IGSF10: variants seen among roughly 807,000 people sequenced by gnomAD.
The protein encoded by IGSF10 is immunoglobulin superfamily member 10, also known as calvaria mechanical force protein 608.
IGSF10 carries 126 observed loss-of-function variants against 128.2 expected under a neutral mutation model. That is an observed-to-expected ratio of 0.98 (90% confidence interval 0.85 to 1.14). The LOEUF is 1.14. IGSF10 is among the 50% of genes most tolerant of loss of function. IGSF10 has a pLI of 0.00. For synonymous variants in IGSF10, 1,185 were observed against 1,146.2 expected (o/e 1.03, Z -0.68); for missense variants, 3,295 against 3,149.8 (o/e 1.05, Z -1.10).
chr3:151,448,561 T>C lies in IGSF10; in HGVS notation c.1420A>G (p.Met474Val), dbSNP rs569212912. ...EMRPVKHKWT[M>V]ISRDNNTKLE... ...TTAGTATTGTTATCCCTTGAAATCA[T>C]AGTCCATTTGTGTTTCACTGGCCTC... The change falls in exon 6 of 8, where the codon ATG becomes GTG. Residue 474 changes from methionine to valine, a missense_variant. Physicochemically the swap from Met to Val is conservative, Grantham distance 21. Coordinates refer to ENST00000282466, the MANE Select transcript of IGSF10 (RefSeq NM_178822.5). 4.2e-5 allele frequency: 68 copies of C among 1,614,234 alleles called. No homozygotes were observed. Among genetic ancestry groups the C allele is most frequent in the Admixed American group, 6.7e-5 (4 of 60,032 alleles).
At chr3:151,564,632 C>G in the IGSF10 span, among the ~76,000 whole-genome samples, 1 of 152,196 alleles carries the variant, frequency 6.6e-6, no homozygotes, top group Admixed American at 6.6e-5. Flanking sequence ...CCCAGTTGGC[C>G]ATAGTTTTTA....
At chr3:151,519,966 G>C in the IGSF10 span, among the ~76,000 whole-genome samples, 1 of 151,720 alleles carries the variant, frequency 6.6e-6, no homozygotes, top group Non-Finnish European at 1.5e-5. Flanking sequence ...ATACCTGAAG[G>C]TTTTGAGAAT....
chr3:151,443,918 T>A, intron 6 of IGSF10, 34 bp from the exon 7 acceptor site: 1 of 1,486,980 alleles, frequency 6.7e-7, no homozygotes. Flanking sequence ...TTGCTACGGG[T>A]CATCAAAGTT....
the IGSF10 span, among the ~76,000 whole-genome samples, chr3:151,480,779 C>T: frequency 2.6e-5 from 4 of 152,050 alleles, no homozygotes; most frequent in South Asian, 2.1e-4. Context: ...TGGATCCTCC[C>T]TATAGGGCTG....
the IGSF10 span, among the ~76,000 whole-genome samples, chr3:151,472,582 G>GGT: frequency 1.3e-5 from 2 of 152,066 alleles, no homozygotes; most frequent in Non-Finnish European, 2.9e-5. Context: ...CTTGGCCAAA[G>GGT]GTACTACCTT....
At chr3:151,475,632 A>G in the IGSF10 span, among the ~76,000 whole-genome samples, 2 of 152,082 alleles carry the variant, frequency 1.3e-5, no homozygotes, top group African/African-American at 4.8e-5. Context: ...CTCACTTCTG[A>G]TTTCTGCATG....
the IGSF10 span, among the ~76,000 whole-genome samples, chr3:151,484,545 G>A: frequency 2.6e-5 from 4 of 152,110 alleles, no homozygotes; most frequent in Non-Finnish European, 5.9e-5. Context: ...CCTCATACAG[G>A]AGAGCTCTGG....
chr3:151,493,250 A>T, the IGSF10 span, among the ~76,000 whole-genome samples: 1 of 152,308 alleles, frequency 6.6e-6, no homozygotes, highest in African/African-American at 2.4e-5. Context: ...ATAAAATTAT[A>T]TTACTGGTTT....
At chr3:151,552,494 A>C in the IGSF10 span, among the ~76,000 whole-genome samples, 1 of 152,100 alleles carries the variant, frequency 6.6e-6, no homozygotes, top group Non-Finnish European at 1.5e-5. Context: ...TTTTCCTTTT[A>C]TGTTAGGGGA....
At chr3:151,525,945 CA>C in the IGSF10 span, among the ~76,000 whole-genome samples, 2 of 152,156 alleles carry the variant, frequency 1.3e-5, no homozygotes, top group African/African-American at 4.8e-5. Flanking sequence ...CACCCACACT[CA>C]AGGGGAGGGG....
At chr3:151,591,157 T>A in the IGSF10 span, among the ~76,000 whole-genome samples, 1 of 151,748 alleles carries the variant, frequency 6.6e-6, no homozygotes, top group African/African-American at 2.4e-5. Flanking sequence ...AACATTCGGC[T>A]AAAAGAAAAG....
the IGSF10 span, chr3:151,475,737 CTTT>C: frequency 6.6e-6 from 1 of 151,662 alleles, no homozygotes; most frequent in African/African-American, 2.4e-5. Context: ...ATTCATAAAT[CTTT>C]TTTTTTCTTG....
At position 151,438,799 on chromosome 3, in the gene IGSF10, GATATAT is replaced by G. The variant is rs556812838; in HGVS notation, c.5964-208_5964-203del. Among the ~76,000 whole-genome samples the G allele has an allele frequency of 3.8e-3, 552 of 144,994 alleles. 5 individuals carry two copies. Among genetic ancestry groups the G allele is most frequent in the African/African-American group, 0.014 (529 of 38,580 alleles). On this transcript the variant is annotated intron_variant, in intron 7 of 7. Coordinates refer to ENST00000282466, the MANE Select transcript of IGSF10 (RefSeq NM_178822.5). ...TGTGTATATATATACACATATTTGA[GATATAT>G]ATATATATACATTTTGAGATATATA...
In IGSF10 at chr3:151,445,960, C is replaced by T; in HGVS notation, c.4021G>A (p.Ala1341Thr). ...TYETQTERSR[A>T]QTIQREQEPQ... is the part of the protein sequence containing the mutation. ...TCCTGTTCTCTTTGTATTGTTTGTGCTCTAGATCTCTCTGTTTGGGTTTCA... is the reference window on the plus strand; with the variant it reads ...TCCTGTTCTCTTTGTATTGTTTGTGTTCTAGATCTCTCTGTTTGGGTTTCA... Residue 1341 changes from alanine (A) to threonine (T), a missense_variant, in exon 6 of 8, where the codon GCA becomes ACA. Ala to Thr is a moderately conservative substitution (Grantham distance 58, BLOSUM62 0). Coordinates refer to ENST00000282466, the MANE Select transcript of IGSF10 (RefSeq NM_178822.5). 2 of 1,614,152 alleles carry T rather than the reference C, an allele frequency of 1.2e-6. No individual in the cohort carries two copies. The highest frequency in any genetic ancestry group is 2.2e-5 in the East Asian group (1 of 44,878).
the IGSF10 span, among the ~76,000 whole-genome samples, chr3:151,492,911 A>C: frequency 7.0e-6 from 1 of 143,592 alleles, no homozygotes; most frequent in Non-Finnish European, 1.6e-5. Flanking sequence ...GAAATGTGAG[A>C]TATATATTTT....
the IGSF10 span, among the ~76,000 whole-genome samples, chr3:151,552,176 C>T: frequency 0.017 from 2,589 of 152,252 alleles, 70 homozygotes; most frequent in African/African-American, 0.059. Context: ...CTGTCTCCTG[C>T]CAGCCATGTG....
the IGSF10 span, among the ~76,000 whole-genome samples, chr3:151,520,312 A>G: frequency 6.6e-6 from 1 of 151,896 alleles, no homozygotes; most frequent in African/African-American, 2.4e-5. Context: ...AATCCAGTTT[A>G]TTAGCATATC....
chr3:151,577,269 G>T, the IGSF10 span, among the ~76,000 whole-genome samples: 86 of 152,224 alleles, frequency 5.6e-4, 1 homozygote, highest in Non-Finnish European at 9.4e-4. Flanking sequence ...TGAAAAAGAA[G>T]ATGCTTTATA....
chr3:151,472,115 A>G, the IGSF10 span, among the ~76,000 whole-genome samples: 1 of 152,232 alleles, frequency 6.6e-6, no homozygotes, highest in Non-Finnish European at 1.5e-5. Context: ...GTGACTTCCA[A>G]AACTGCTAAA....
Sources: gnomAD v4.1 joint callset for allele counts (sites outside exome capture counted in the v4.1 genomes callset) on GRCh38, gnomAD v4.1.1 for gene constraint, MANE v1.5 for transcripts, NCBI Gene and HGNC (gene_info 2026-07-23, HGNC 2026-07-21) for gene names.